The following TAFA5 variants were observed in gnomAD, a reference collection of about 807,000 sequenced individuals.
TAFA5 encodes the protein chemokine-like protein TAFA-5.
TAFA5 carries 6 observed loss-of-function variants against 15.3 expected under a neutral mutation model. The ratio of observed to expected loss-of-function variants is 0.39; its 90% CI spans 0.21 to 0.77. The LOEUF is 0.77. Among genes scored for constraint, TAFA5 ranks in the 30% least tolerant of loss-of-function variants. The pLI is 0.41. For synonymous variants in TAFA5, 103 were observed against 80.7 expected, an observed-to-expected ratio of 1.28 and a Z score of -1.48; for missense variants, 161 against 193.1, an observed-to-expected ratio of 0.83 and a Z score of 0.98.
Position 48,698,815 on chromosome 22 carries a change from G to A in TAFA5, c.263-8902G>A, listed in dbSNP as rs144288505. Among the ~76,000 whole-genome samples, 4 of 149,860 alleles carry A rather than the reference G, an allele frequency of 2.7e-5. No homozygotes were observed. In the East Asian group the frequency reaches 8.1e-4, roughly 30 times the overall value. On this transcript the variant is annotated intron_variant, in intron 2 of 3. Coordinates refer to ENST00000402357, the MANE Select transcript of TAFA5 (RefSeq NM_001082967.3). ...GCCCCGTGCGTGGCCGGGGCTGTGC[G>A]CTTACCTGCGAGAGACCCTTCCAGC...
Position 48,713,251 on chromosome 22 carries a change from C to T in TAFA5, c.390+5407C>T, listed in dbSNP as rs372582721. Among the ~76,000 whole-genome samples the T allele has an allele frequency of 4.5e-4, 68 of 152,312 alleles. 2 individuals carry two copies. The South Asian group carries it at 0.014, about 32-fold the overall frequency. On this transcript the variant is annotated intron_variant, in intron 3 of 3. Transcript: ENST00000402357. ...ACTCATTACACTAAAAGCCCATTTG[C>T]CCAACGTGAGAGATTCTGAGGACGT...
rs1928204391 is a variant in TAFA5, at chr22:48,681,934, T to C, written c.263-25783T>C. Among the ~76,000 whole-genome samples the C allele has an allele frequency of 3.6e-5, 4 of 112,390 alleles. 1 individual carries two copies. The South Asian group carries it at 1.3e-3, about 36-fold the overall frequency. 73.7% of individuals were successfully genotyped at this position (112,390 alleles called of 152,430 possible). On this transcript the variant is annotated intron_variant, in intron 2 of 3. Transcript: ENST00000402357. ...CAGATCCGTCCACTGTCCTAGGAGC[T>C]GTGGAGTCTTTGCGAGGGTACGGGA...
chr22:48,634,320 A>T (rs1360778887), intron 1 of TAFA5, among the ~76,000 whole-genome samples: 1 of 151,760 alleles, frequency 6.6e-6, no homozygotes, highest in Non-Finnish European at 1.5e-5. Flanking sequence ...TCATTTATTC[A>T]CTCACTTATT....
rs1921857736 is a variant in TAFA5, at chr22:48,528,512, C to T, written c.112+38808C>T. On this transcript the variant is annotated intron_variant, in intron 1 of 3. Transcript: ENST00000402357. The stretch of plus-strand genomic sequence containing the variant: ...TGCCACACTCCTTCACGGGGCCCAG[C>T]TCCCATCAAGGGTGGTCTTCACCCC... 2.6e-5 allele frequency among the ~76,000 whole-genome samples: 4 copies of T among 152,160 alleles called. No homozygotes were observed. The South Asian group carries it at 8.3e-4, about 31-fold the overall frequency.
At chr22:48,582,425 CAT>C (rs1924089176) in intron 1 of TAFA5, among the ~76,000 whole-genome samples, 1 of 149,986 alleles carries the variant, frequency 6.7e-6, no homozygotes, top group African/African-American at 2.5e-5. Flanking sequence ...AAATACACCA[CAT>C]ACCACACACA....
intron 2 of TAFA5, among the ~76,000 whole-genome samples, chr22:48,692,286 G>C (rs535248030): frequency 1.3e-5 from 2 of 152,218 alleles, no homozygotes; most frequent in African/African-American, 4.8e-5. Context: ...TGAGAGTCAG[G>C]GGTCCGCTGC....
In TAFA5 at chr22:48,740,435, G is replaced by A. The variant is rs560890009; in HGVS notation, c.391-9404G>A. Among the ~76,000 whole-genome samples, 21 of 152,348 alleles carry A rather than the reference G, an allele frequency of 1.4e-4. No individual in the cohort carries two copies. The South Asian group carries it at 3.3e-3, about 24-fold the overall frequency. On this transcript the variant is annotated intron_variant, in intron 3 of 3. Transcript: ENST00000402357. Reference sequence around the variant, plus strand: ...ACACAGCAATAGCCTTCACTCTCTGGTTGCAAGGAATAGTAACCATTTCCC... The same window carrying A: ...ACACAGCAATAGCCTTCACTCTCTGATTGCAAGGAATAGTAACCATTTCCC...
At chr22:48,555,673 A>C (rs1236907626) in intron 1 of TAFA5, among the ~76,000 whole-genome samples, 5 of 152,214 alleles carry the variant, frequency 3.3e-5, no homozygotes, top group Non-Finnish European at 7.3e-5. Context: ...GGCCTCCTGC[A>C]GCCAGGTGAC....
intron 2 of TAFA5, among the ~76,000 whole-genome samples, chr22:48,706,151 C>A (rs577863596): frequency 6.6e-6 from 1 of 152,182 alleles, no homozygotes; most frequent in Non-Finnish European, 1.5e-5. Context: ...GCAGGGCTGG[C>A]AACTGAGGCA....
At chr22:48,649,234 C>T (rs1177796599) in intron 2 of TAFA5, among the ~76,000 whole-genome samples, 1 of 152,204 alleles carries the variant, frequency 6.6e-6, no homozygotes, top group Non-Finnish European at 1.5e-5. Context: ...GGTGGGATAC[C>T]CAGGAAGAAC....
intron 1 of TAFA5, among the ~76,000 whole-genome samples, chr22:48,626,632 G>A (rs764906194): frequency 9.2e-5 from 14 of 152,088 alleles, no homozygotes; most frequent in South Asian, 2.1e-4. Context: ...CTCTGTCTGC[G>A]GTTTGTCTTT....
intron 2 of TAFA5, among the ~76,000 whole-genome samples, chr22:48,649,930 A>G (rs1926993842): frequency 6.6e-6 from 1 of 152,174 alleles, no homozygotes; most frequent in African/African-American, 2.4e-5. Flanking sequence ...TCCTCTCACC[A>G]GGAGCCTCCT....
At chr22:48,646,465 T>G in intron 1 of TAFA5, 132 bp from the exon 2 acceptor site, 1 of 1,168,304 alleles carries the variant, frequency 8.6e-7, no homozygotes, top group Admixed American at 2.7e-5. Context: ...GGACGCTCCC[T>G]CTGAGTGAAG....
chr22:48,489,646 C>T lies in TAFA5; in HGVS notation c.54C>T (p.Ser18=). The part of the protein sequence containing the change: ...GSRQDATALP[S]MSSTFWAFMI... ...GGCAAGATGCGACCGCCCTGCCCAGCATGTCCTCAACTTTCTGGGCGTTCA... is the reference window on the plus strand; with the variant it reads ...GGCAAGATGCGACCGCCCTGCCCAGTATGTCCTCAACTTTCTGGGCGTTCA... Residue 18 remains serine, a synonymous_variant, in exon 1 of 4, where the codon AGC becomes AGT. Coordinates refer to ENST00000402357, the MANE Select transcript of TAFA5 (RefSeq NM_001082967.3). This position sits in a 1 kb window ranked among gnomAD's most constrained non-coding sequence, Gnocchi z 5.5. The T allele has an allele frequency of 6.5e-7, 1 of 1,531,078 alleles. No homozygotes were observed. Among genetic ancestry groups the T allele is most frequent in the African/African-American group, 1.4e-5 (1 of 70,080 alleles). The allele number at this position is 1,531,078 out of a possible 1,614,324, so 94.8% of individuals were successfully genotyped here.
At chr22:48,693,518 G>C in intron 2 of TAFA5, 2 of 1,497,244 alleles carry the variant, frequency 1.3e-6, no homozygotes, top group Non-Finnish European at 1.8e-6. Context: ...GAGACCAGCA[G>C]GTGAGGCCCG....
intron 1 of TAFA5, among the ~76,000 whole-genome samples, chr22:48,583,908 A>C (rs1924211702): frequency 2.3e-5 from 3 of 128,720 alleles, no homozygotes; most frequent in African/African-American, 6.0e-5. Context: ...ACACAAAATA[A>C]ACCTCATACA....
intron 3 of TAFA5, among the ~76,000 whole-genome samples, chr22:48,709,955 G>A (rs1282346637): frequency 6.6e-6 from 1 of 152,188 alleles, no homozygotes; most frequent in African/African-American, 2.4e-5. Context: ...TAATTTATTG[G>A]GCTGAAATTC....
At chr22:48,640,662 C>A (rs1015502441) in intron 1 of TAFA5, among the ~76,000 whole-genome samples, 1 of 152,198 alleles carries the variant, frequency 6.6e-6, no homozygotes, top group Non-Finnish European at 1.5e-5. Flanking sequence ...CCACATGGCG[C>A]ACAGATGGTG....
intron 1 of TAFA5, among the ~76,000 whole-genome samples, chr22:48,612,147 G>A (rs1019334927): frequency 2.6e-5 from 4 of 152,156 alleles, no homozygotes; most frequent in African/African-American, 4.8e-5. Context: ...TGCTTCCCAC[G>A]GACGGGGCTT....
Sources: gnomAD v4.1 joint callset for allele counts (sites outside exome capture counted in the v4.1 genomes callset) on GRCh38, gnomAD v4.1.1 for gene constraint, Gnocchi (gnomAD v3.1) non-coding constraint, MANE v1.5 for transcripts, NCBI Gene and HGNC (gene_info 2026-07-23, HGNC 2026-07-21) for gene names.